SLC9A9: variants seen among roughly 807,000 people sequenced by gnomAD.
The protein encoded by SLC9A9 is sodium/hydrogen exchanger 9.
SLC9A9 carries 62 observed loss-of-function variants against 77.8 expected under a neutral mutation model. The ratio of observed to expected loss-of-function variants is 0.80; its 90% CI spans 0.65 to 0.98. The LOEUF (loss-of-function observed/expected upper bound fraction) is 0.98, where lower values mean the gene tolerates loss of function less well. Among genes scored for constraint, SLC9A9 ranks in the 50% least tolerant of loss-of-function variants. The probability of loss-of-function intolerance (pLI) is 0.00; values close to 1 mark genes in which losing one functional copy is unlikely to be tolerated. For synonymous variants in SLC9A9, 320 were observed against 283.5 expected, an observed-to-expected ratio of 1.13 and a Z score of -1.29; for missense variants, 775 against 774.9, an observed-to-expected ratio of 1.00 and a Z score of 0.00.
At chr3:143,406,771 T>C (rs1467280488) in intron 12 of SLC9A9, among the ~76,000 whole-genome samples, 1 of 151,274 alleles carries the variant, frequency 6.6e-6, no homozygotes, top group Non-Finnish European at 1.5e-5. Flanking sequence ...AGGTCAGGAG[T>C]TCGAGACCAG....
At chr3:143,747,336 G>A (rs944930467) in intron 4 of SLC9A9, among the ~76,000 whole-genome samples, 1 of 151,750 alleles carries the variant, frequency 6.6e-6, no homozygotes, top group African/African-American at 2.4e-5. Context: ...ACTGGAAGGT[G>A]GGGGTTGCAG....
At chr3:143,490,608 T>G (rs925589561) in intron 11 of SLC9A9, among the ~76,000 whole-genome samples, 1 of 152,130 alleles carries the variant, frequency 6.6e-6, no homozygotes, top group Non-Finnish European at 1.5e-5. Context: ...GGTTGCACAT[T>G]TCGAATGTAT....
intron 12 of SLC9A9, among the ~76,000 whole-genome samples, chr3:143,390,024 T>C (rs78501814): frequency 0.032 from 4,917 of 152,314 alleles, 289 homozygotes; most frequent in African/African-American, 0.11. Context: ...CACACTGTCA[T>C]TGACAGGTAC....
intron 1 of SLC9A9, among the ~76,000 whole-genome samples, chr3:143,841,384 T>A (rs946817815): frequency 6.6e-6 from 1 of 152,234 alleles, no homozygotes; most frequent in Admixed American, 6.5e-5. Context: ...GAGGATTAAA[T>A]GCGTTAATAT....
intron 1 of SLC9A9, among the ~76,000 whole-genome samples, chr3:143,838,941 T>C (rs1279812788): frequency 6.6e-6 from 1 of 152,238 alleles, no homozygotes; most frequent in Non-Finnish European, 1.5e-5. Context: ...TCCCTTCCCA[T>C]TTTATAAAAG....
intron 4 of SLC9A9, among the ~76,000 whole-genome samples, chr3:143,764,346 C>A (rs906167631): frequency 1.3e-5 from 2 of 152,146 alleles, no homozygotes; most frequent in Non-Finnish European, 2.9e-5. Flanking sequence ...TCAATGATAG[C>A]GTATCACTTT....
intron 12 of SLC9A9, among the ~76,000 whole-genome samples, chr3:143,460,504 A>G (rs2035172382): frequency 6.6e-6 from 1 of 152,222 alleles, no homozygotes; most frequent in South Asian, 2.1e-4. Flanking sequence ...ATATTGGATA[A>G]TGCTTTATGA....
At chr3:143,302,888 A>AT (rs1385763019) in intron 14 of SLC9A9, among the ~76,000 whole-genome samples, 1 of 152,196 alleles carries the variant, frequency 6.6e-6, no homozygotes, top group Non-Finnish European at 1.5e-5. Context: ...CTTGTTCTCA[A>AT]TTATCCTCCA....
chr3:143,266,766 T>G lies in SLC9A9; in HGVS notation c.1874A>C (p.Asp625Ala), dbSNP rs774982920. ...GAGTTCATAGCCTCCCAGGCCGAGG[T>G]CTCCCTCATAAATGTTTTCCTTGCC... is the stretch of plus-strand genomic sequence containing the variant. Reference protein sequence around the residue: ...TPGKENIYEGDLGLGGYELKL... With the variant: ...TPGKENIYEGALGLGGYELKL... Residue 625 changes from aspartate to alanine, a missense_variant, in exon 16 of 16, where the codon GAC becomes GCC. Coordinates refer to ENST00000316549, the MANE Select transcript of SLC9A9 (RefSeq NM_173653.4). 6.2e-7 allele frequency: 1 copy of G among 1,613,972 alleles called. No homozygotes were observed. The highest frequency in any genetic ancestry group is 1.7e-5 in the Admixed American group (1 of 60,006).
At position 143,266,226 on chromosome 3, in the gene SLC9A9, A is replaced by G. The variant is rs545923180; in HGVS notation, c.*476T>C. On this transcript the variant is annotated 3_prime_UTR_variant, in exon 16 of 16. Coordinates refer to ENST00000316549, the MANE Select transcript of SLC9A9 (RefSeq NM_173653.4). ...AGAGCAAATGGGAGTCAAGTCCTCA[A>G]AATAAGAAACTTATCACTTACTAAA... 1.6e-6 allele frequency: 1 copy of G among 638,250 alleles called. No homozygotes were observed. Among genetic ancestry groups the G allele is most frequent in the African/African-American group, 1.8e-5 (1 of 54,846 alleles). 39.5% of individuals were successfully genotyped at this position (638,250 alleles called of 1,614,324 possible).
chr3:143,456,426 T>TA (rs2035093158), intron 12 of SLC9A9, among the ~76,000 whole-genome samples: 1 of 152,194 alleles, frequency 6.6e-6, no homozygotes, highest in Non-Finnish European at 1.5e-5. Flanking sequence ...AGTTGGAAGA[T>TA]ATTGTTCTGC....
chr3:143,591,606 T>C (rs2037645940), intron 6 of SLC9A9, among the ~76,000 whole-genome samples: 1 of 152,236 alleles, frequency 6.6e-6, no homozygotes, highest in Admixed American at 6.5e-5. Flanking sequence ...GATGTATTAC[T>C]AACTCAAGCA....
rs1032172508 is a variant in SLC9A9, at chr3:143,420,555, T to C, written c.1470-38441A>G. 2.8e-4 allele frequency among the ~76,000 whole-genome samples: 43 copies of C among 152,212 alleles called. 1 individual carries two copies. Among genetic ancestry groups the C allele is most frequent in the Non-Finnish European group, 4.7e-4 (32 of 68,034 alleles). On this transcript the variant is annotated intron_variant, in intron 12 of 15. Transcript: ENST00000316549. Reference sequence around the variant, plus strand: ...GGGCTGTACTGAAGAAGTGACATGATCATTTTAACTTGTGTTAGGTTGTTA... The same window carrying C: ...GGGCTGTACTGAAGAAGTGACATGACCATTTTAACTTGTGTTAGGTTGTTA...
intron 8 of SLC9A9, among the ~76,000 whole-genome samples, chr3:143,565,709 G>GTT (rs1553767154): frequency 0.017 from 2,557 of 147,910 alleles, 73 homozygotes; most frequent in African/African-American, 0.061. Context: ...GAGCCTCAGG[G>GTT]TTTTGTTTTT....
chr3:143,836,281 C>A (rs1230387370), intron 1 of SLC9A9, among the ~76,000 whole-genome samples: 4 of 152,198 alleles, frequency 2.6e-5, no homozygotes, highest in Non-Finnish European at 5.9e-5. Context: ...CTTTACAGAT[C>A]TTGGCTTTTC....
intron 9 of SLC9A9, among the ~76,000 whole-genome samples, chr3:143,545,883 T>C (rs986540161): frequency 4.6e-5 from 7 of 152,224 alleles, no homozygotes; most frequent in Non-Finnish European, 8.8e-5. Flanking sequence ...CAGTCTTTAA[T>C]CAAGTGATCC....
intron 14 of SLC9A9, among the ~76,000 whole-genome samples, chr3:143,275,428 C>T (rs1339081420): frequency 6.6e-6 from 1 of 152,152 alleles, no homozygotes; most frequent in East Asian, 1.9e-4. Flanking sequence ...ATTTCAAGCT[C>T]GTTTTTAGGA....
At chr3:143,437,042 T>G (rs1201312246) in intron 12 of SLC9A9, among the ~76,000 whole-genome samples, 1 of 152,238 alleles carries the variant, frequency 6.6e-6, no homozygotes, top group Non-Finnish European at 1.5e-5. Flanking sequence ...AGTATTAACA[T>G]CTCACATTTT....
At chr3:143,701,276 C>T (rs1002311982) in intron 4 of SLC9A9, among the ~76,000 whole-genome samples, 2 of 152,074 alleles carry the variant, frequency 1.3e-5, no homozygotes, top group African/African-American at 4.8e-5. Flanking sequence ...TCAAGACCAC[C>T]GTGGAAAACA....
Sources: allele counts gnomAD v4.1 joint callset (sites outside exome capture counted in the v4.1 genomes callset), GRCh38; gene constraint gnomAD v4.1.1; transcripts MANE v1.5; gene names NCBI Gene and HGNC (gene_info 2026-07-23, HGNC 2026-07-21).